RIC1: variants seen among roughly 807,000 people sequenced by gnomAD.
The protein encoded by RIC1 is RIC1 partner of RAB6A GEF complex.
RIC1 carries 88 observed loss-of-function variants against 169.0 expected under a neutral mutation model. The ratio of observed to expected loss-of-function variants is 0.52; its 90% CI spans 0.44 to 0.62. The LOEUF (loss-of-function observed/expected upper bound fraction) is 0.62. RIC1 is among the 20% of genes least tolerant of loss of function. The pLI, the probability that RIC1 is intolerant of heterozygous loss-of-function variation, is 0.00. For missense variants in RIC1, 1,877 were observed against 1,725.5 expected, an observed-to-expected ratio of 1.09 and a Z score of -1.56; for synonymous variants, 790 against 601.5, an observed-to-expected ratio of 1.31 and a Z score of -4.59.
At chr9:5,753,421 T>C (rs1253548161) in intron 13 of RIC1, 115 bp from the exon 14 acceptor site, 3 of 820,962 alleles carry the variant, frequency 3.7e-6, no homozygotes, top group Non-Finnish European at 5.8e-6. Flanking sequence ...CTTTAAAATA[T>C]TTAATTAGCA....
chr9:5,731,059 T>G (rs1184444828), intron 6 of RIC1, among the ~76,000 whole-genome samples: 6 of 152,178 alleles, frequency 3.9e-5, no homozygotes, highest in Non-Finnish European at 8.8e-5. Flanking sequence ...TATTACATCC[T>G]TCCCCTGTAC....
intron 6 of RIC1, 45 bp downstream of exon 6, chr9:5,720,795 A>G: frequency 6.9e-7 from 1 of 1,444,592 alleles, no homozygotes; most frequent in Non-Finnish European, 9.3e-7. Flanking sequence ...TTGTGTACTT[A>G]TTTTATTCTT....
chr9:5,646,796 A>C (rs765622729), intron 1 of RIC1, among the ~76,000 whole-genome samples: 9 of 152,106 alleles, frequency 5.9e-5, no homozygotes, highest in Non-Finnish European at 1.2e-4. Flanking sequence ...CCATTGATGC[A>C]CAGCATTTTC....
intron 17 of RIC1, among the ~76,000 whole-genome samples, chr9:5,758,361 C>G (rs897297291): frequency 2.7e-4 from 41 of 152,320 alleles, no homozygotes; most frequent in Admixed American, 2.3e-3. Flanking sequence ...CCTGTCTGGG[C>G]AGTCTGTCTT....
intron 10 of RIC1, among the ~76,000 whole-genome samples, chr9:5,744,781 T>C (rs1237691461): frequency 1.3e-5 from 2 of 152,168 alleles, no homozygotes; most frequent in East Asian, 3.8e-4. Context: ...TTTTATTTTT[T>C]ACCTATTTTC....
intron 6 of RIC1, among the ~76,000 whole-genome samples, chr9:5,725,346 G>A (rs892925328): frequency 6.6e-6 from 1 of 152,170 alleles, no homozygotes; most frequent in Non-Finnish European, 1.5e-5. Context: ...TATTTGCTTA[G>A]AGGTGTTTAT....
intron 1 of RIC1, among the ~76,000 whole-genome samples, chr9:5,653,190 TTTCTC>T (rs1818903370): frequency 6.6e-6 from 1 of 152,176 alleles, no homozygotes; most frequent in African/African-American, 2.4e-5. Flanking sequence ...AAGACTGTCT[TTTCTC>T]TGTTGTACTT....
intron 7 of RIC1, among the ~76,000 whole-genome samples, chr9:5,737,663 A>AC (rs34422063): frequency 2.0e-5 from 3 of 151,574 alleles, no homozygotes; most frequent in African/African-American, 7.3e-5. Flanking sequence ...AGAGGTACCA[A>AC]CCCCCCAACA....
intron 3 of RIC1, among the ~76,000 whole-genome samples, chr9:5,711,010 CAT>C (rs1004103381): frequency 6.6e-6 from 1 of 152,096 alleles, no homozygotes; most frequent in Non-Finnish European, 1.5e-5. Flanking sequence ...GGAAACAAAA[CAT>C]GTAAATTTCC....
At chr9:5,736,709 G>A (rs1824729962) in intron 7 of RIC1, among the ~76,000 whole-genome samples, 1 of 152,176 alleles carries the variant, frequency 6.6e-6, no homozygotes, top group African/African-American at 2.4e-5. Context: ...AAACTATGAT[G>A]TCTGAGATGA....
At chr9:5,747,232 C>A (rs777176797) in intron 11 of RIC1, 70 bp from the exon 12 acceptor site, 92 of 1,150,530 alleles carry the variant, frequency 8.0e-5, no homozygotes, top group Non-Finnish European at 1.1e-4. Context: ...GTTATTTTTG[C>A]CTGCGTAATA....
chr9:5,711,683 G>A (rs1351702157), intron 3 of RIC1, among the ~76,000 whole-genome samples: 3 of 151,800 alleles, frequency 2.0e-5, no homozygotes, highest in Non-Finnish European at 4.4e-5. Flanking sequence ...CCATTAACTC[G>A]TCATTTACAT....
intron 22 of RIC1, 61 bp downstream of exon 22, chr9:5,769,317 C>T (rs759476463): frequency 2.5e-6 from 4 of 1,613,900 alleles, no homozygotes; most frequent in Admixed American, 1.7e-5. Flanking sequence ...TGTATTTACA[C>T]ATTTTGCTAT....
rs183729173 is a variant in RIC1, at chr9:5,745,798, G to T, written c.1096-133G>T. On this transcript the variant is annotated intron_variant, in intron 10 of 25. Transcript: ENST00000414202. The stretch of plus-strand genomic sequence containing the variant: ...GTGTGATTCTTGTCTGTGTTATCAC[G>T]GTTTCTCCAACCTTCACAAATCATT... 1,962 of 710,584 alleles carry T rather than the reference G, an allele frequency of 2.8e-3. 4 individuals carry two copies. The highest frequency in any genetic ancestry group is 4.1e-3 in the Non-Finnish European group (1,808 of 440,046). 44.0% of individuals were successfully genotyped at this position (710,584 alleles called of 1,614,324 possible).
chr9:5,702,542 GTTTGT>G (rs1822292635), intron 3 of RIC1, among the ~76,000 whole-genome samples: 1 of 74,998 alleles, frequency 1.3e-5, no homozygotes, highest in African/African-American at 1.1e-4. Flanking sequence ...TTTTGTTTTT[GTTTGT>G]TTGTTTGTTT....
chr9:5,754,233 C>T (rs553860197), intron 14 of RIC1, among the ~76,000 whole-genome samples: 5 of 152,270 alleles, frequency 3.3e-5, no homozygotes, highest in Admixed American at 2.6e-4. Flanking sequence ...GATTCAGTTA[C>T]TCATCTGATA....
chr9:5,659,055 T>C (rs1445507203), intron 2 of RIC1, among the ~76,000 whole-genome samples: 1 of 152,098 alleles, frequency 6.6e-6, no homozygotes. Context: ...ACCAAAAAGG[T>C]TATTTCCACA....
At chr9:5,703,124 C>T (rs1258599379) in intron 3 of RIC1, among the ~76,000 whole-genome samples, 1 of 152,138 alleles carries the variant, frequency 6.6e-6, no homozygotes, top group East Asian at 1.9e-4. Context: ...AGCATTAACT[C>T]AAAAGTCCGA....
intron 1 of RIC1, among the ~76,000 whole-genome samples, chr9:5,640,913 A>C (rs562916581): frequency 6.6e-6 from 1 of 152,156 alleles, no homozygotes; most frequent in East Asian, 1.9e-4. Flanking sequence ...CAGCACTTTC[A>C]ACATATTGTG....
Sources: allele counts gnomAD v4.1 joint callset (sites outside exome capture counted in the v4.1 genomes callset), GRCh38; gene constraint gnomAD v4.1.1; transcripts MANE v1.5; gene names NCBI Gene and HGNC (gene_info 2026-07-23, HGNC 2026-07-21).